The following AUTS2 variants were observed in gnomAD, a reference collection of about 807,000 sequenced individuals.
AUTS2 encodes activator of transcription and developmental regulator AUTS2.
AUTS2 carries 17 observed loss-of-function variants against 112.4 expected under a neutral mutation model. The observed-to-expected ratio is 0.15, with a 90% CI of 0.10 to 0.23. The LOEUF is 0.23. Ranked by LOEUF, AUTS2 falls within the 10% of genes least tolerant of loss-of-function variation. The probability of loss-of-function intolerance (pLI) is 1.00; values close to 1 mark genes in which losing one functional copy is unlikely to be tolerated. For synonymous variants in AUTS2, 751 were observed against 702.7 expected (o/e 1.07, Z -1.09); for missense variants, 1,510 against 1,701.6 (o/e 0.89, Z 1.98).
intron 4 of AUTS2, among the ~76,000 whole-genome samples, chr7:70,166,462 GAAATGGAAATATACTGTTGTAAGGTTT>G (rs1255338115): frequency 1.3e-5 from 2 of 152,098 alleles, no homozygotes; most frequent in Admixed American, 6.6e-5. Context: ...TGGGAGGGAG[GAAATGGAAATATACTGTTGTAAGGTTT>G]AAATGGAAAT....
At position 70,771,343 on chromosome 7, in the gene AUTS2, G is replaced by C. The variant is rs563234861; in HGVS notation, c.1735-206G>C. ...TCACCCGGGATGTCATTTGCTGGCT[G>C]ATTGATCCTGAACTACTTTTAACTT... On this transcript the variant is annotated intron_variant, in intron 10 of 18. Transcript: ENST00000342771. The C allele has an allele frequency of 3.0e-5, 12 of 401,582 alleles. No homozygotes were observed. The South Asian group carries it at 1.1e-3, about 36-fold the overall frequency. The allele number at this position is 401,582 out of a possible 1,614,324, so 24.9% of individuals were successfully genotyped here.
At chr7:70,035,207 A>T (rs994509896) in intron 2 of AUTS2, among the ~76,000 whole-genome samples, 1 of 152,174 alleles carries the variant, frequency 6.6e-6, no homozygotes, top group African/African-American at 2.4e-5. Flanking sequence ...GCTGCATGTG[A>T]ATTTCTTATT....
intron 8 of AUTS2, among the ~76,000 whole-genome samples, 197 bp downstream of exon 8, chr7:70,765,202 C>A (rs1789860522): frequency 1.3e-5 from 2 of 152,164 alleles, no homozygotes; most frequent in South Asian, 4.1e-4. Flanking sequence ...GCTAGCTCAG[C>A]CCCTGTGAAT....
intron 2 of AUTS2, among the ~76,000 whole-genome samples, chr7:70,032,965 A>G (rs1391976226): frequency 6.6e-6 from 1 of 152,204 alleles, no homozygotes; most frequent in African/African-American, 2.4e-5. Context: ...ATTTGTATTA[A>G]ATATCCAGAA....
intron 5 of AUTS2, among the ~76,000 whole-genome samples, chr7:70,625,647 G>C (rs1804899718): frequency 1.3e-5 from 2 of 152,186 alleles, no homozygotes; most frequent in Non-Finnish European, 2.9e-5. Flanking sequence ...TTGCACCTAT[G>C]AGGAGGTGAG....
At chr7:69,927,186 T>TTATATA (rs67558137) in intron 2 of AUTS2, among the ~76,000 whole-genome samples, 11,903 of 142,280 alleles carry the variant, frequency 0.084, 491 homozygotes, top group Middle Eastern at 0.16. Flanking sequence ...TCCAATATAT[T>TTATATA]TATATATATA....
At chr7:70,298,167 G>T (rs1418656447) in intron 4 of AUTS2, among the ~76,000 whole-genome samples, 1 of 151,984 alleles carries the variant, frequency 6.6e-6, no homozygotes, top group Non-Finnish European at 1.5e-5. Context: ...GAGTAGCTGG[G>T]ATTACAGGCG....
rs1791107332 is a variant in AUTS2 at position 70,781,851 on chromosome 7, A to G, written c.2146+95A>G. On this transcript the variant is annotated intron_variant, in intron 15 of 18. Coordinates refer to ENST00000342771, the MANE Select transcript of AUTS2 (RefSeq NM_015570.4). Reference sequence around the variant, plus strand: ...TTGGGCTCTGAGCTGCCGCTCAGTCACCACCTACAAAAATACAGTTAATGC... The same window carrying G: ...TTGGGCTCTGAGCTGCCGCTCAGTCGCCACCTACAAAAATACAGTTAATGC... The G allele has an allele frequency of 8.1e-6, 12 of 1,481,018 alleles. No homozygotes were observed. In the African/African-American group the frequency reaches 1.1e-4, roughly 14 times the overall value. The allele number at this position is 1,481,018 out of a possible 1,614,324, so 91.7% of individuals were successfully genotyped here. A position where few individuals can be genotyped will look rare whatever the true frequency, so the allele number is the denominator to read the frequency against.
At chr7:69,754,958 A>G (rs931141645) in intron 1 of AUTS2, among the ~76,000 whole-genome samples, 3 of 152,224 alleles carry the variant, frequency 2.0e-5, no homozygotes, top group Non-Finnish European at 4.4e-5. Context: ...AGCCTCATGT[A>G]GTGATTTTGC....
chr7:70,284,873 G>A (rs1403735483), intron 4 of AUTS2, among the ~76,000 whole-genome samples: 1 of 152,160 alleles, frequency 6.6e-6, no homozygotes, highest in Non-Finnish European at 1.5e-5. Flanking sequence ...TTGTTCTGAG[G>A]AATACTGAAA....
chr7:69,635,523 A>G (rs1794477862), intron 1 of AUTS2, among the ~76,000 whole-genome samples: 1 of 152,200 alleles, frequency 6.6e-6, no homozygotes, highest in African/African-American at 2.4e-5. Flanking sequence ...GCTGACATGA[A>G]TGCTCTAGCC....
intron 16 of AUTS2, chr7:70,785,382 C>T: frequency 1.9e-6 from 1 of 518,160 alleles, no homozygotes; most frequent in African/African-American, 1.9e-5. Context: ...AAGGTCACCT[C>T]TAGGAAGCGG....
intron 4 of AUTS2, chr7:70,292,750 A>G (rs1201662029): frequency 1.3e-5 from 2 of 152,182 alleles, no homozygotes; most frequent in Non-Finnish European, 2.9e-5. Flanking sequence ...TTTGCTAAAC[A>G]GATGATCCTT....
At chr7:70,031,804 C>T (rs75773641) in intron 2 of AUTS2, among the ~76,000 whole-genome samples, 2,004 of 152,242 alleles carry the variant, frequency 0.013, 16 homozygotes, top group Non-Finnish European at 0.021. Flanking sequence ...CTACTATGCA[C>T]TCTATGTCCC....
chr7:70,470,195 C>CAGA (rs1797325536), intron 5 of AUTS2, among the ~76,000 whole-genome samples: 2 of 152,248 alleles, frequency 1.3e-5, no homozygotes, highest in South Asian at 4.1e-4. Context: ...TGCCCAATCT[C>CAGA]TGAAGTCTTT....
At chr7:69,696,063 G>A (rs1417171759) in intron 1 of AUTS2, among the ~76,000 whole-genome samples, 1 of 152,208 alleles carries the variant, frequency 6.6e-6, no homozygotes, top group Non-Finnish European at 1.5e-5. Context: ...TTCGTGGCTA[G>A]TGAAGCACAT....
Position 70,765,287 on chromosome 7 carries a change from C to G in AUTS2, c.1468+282C>G, listed in dbSNP as rs77686037. On this transcript the variant is annotated intron_variant, in intron 8 of 18. Coordinates refer to ENST00000342771, the MANE Select transcript of AUTS2 (RefSeq NM_015570.4). ...CAGCTAAATTCAGCCACTGAGTGGT[C>G]AGACCCAGGTAGTGTGTCCCGTGTC... is the stretch of plus-strand genomic sequence containing the variant. Among the ~76,000 whole-genome samples, 704 of 152,262 alleles carry G rather than the reference C, an allele frequency of 4.6e-3. 3 individuals are homozygous for G. The highest frequency in any genetic ancestry group is 0.014 in the Middle Eastern group (4 of 294).
chr7:70,720,081 GTTC>G (rs1810581285), intron 6 of AUTS2, among the ~76,000 whole-genome samples: 2 of 152,020 alleles, frequency 1.3e-5, no homozygotes, highest in African/African-American at 4.8e-5. Flanking sequence ...TGCTGTTGCT[GTTC>G]TTCTTCCCCT....
intron 1 of AUTS2, among the ~76,000 whole-genome samples, chr7:69,826,556 A>G (rs1027649231): frequency 4.6e-5 from 7 of 152,314 alleles, no homozygotes; most frequent in African/African-American, 1.7e-4. Context: ...GTGTGCAACT[A>G]TTAATATTAA....
Sources: allele counts gnomAD v4.1 joint callset (sites outside exome capture counted in the v4.1 genomes callset), GRCh38; gene constraint gnomAD v4.1.1; transcripts MANE v1.5; gene names NCBI Gene and HGNC (gene_info 2026-07-23, HGNC 2026-07-21).